The following DENND11 variants were observed in gnomAD, a reference collection of about 807,000 sequenced individuals.
The protein encoded by DENND11 is DENN domain-containing protein 11.
DENND11 carries 34 observed loss-of-function variants against 49.2 expected under a neutral mutation model. The observed-to-expected ratio is 0.69, with a 90% CI of 0.53 to 0.92. The LOEUF (loss-of-function observed/expected upper bound fraction) is 0.92, where lower values mean the gene tolerates loss of function less well. DENND11 is among the 40% of genes least tolerant of loss of function. The pLI, the probability that DENND11 is intolerant of heterozygous loss-of-function variation, is 0.00. For missense variants in DENND11, 475 were observed against 581.6 expected (o/e 0.82, Z 1.88); for synonymous variants, 238 against 230.3 (o/e 1.03, Z -0.30).
intron 4 of DENND11, among the ~76,000 whole-genome samples, chr7:141,672,171 G>C (rs577977581): frequency 6.6e-6 from 1 of 152,258 alleles, no homozygotes; most frequent in African/African-American, 2.4e-5. Flanking sequence ...CCTCCTGCAG[G>C]CTCCCATGGT....
At chr7:141,686,714 G>A in intron 1 of DENND11, 56 bp from the exon 2 acceptor site, 1 of 1,221,562 alleles carries the variant, frequency 8.2e-7, no homozygotes, top group Non-Finnish European at 1.2e-6. Context: ...AAGAAAATGG[G>A]TTAGTACAGG....
intron 1 of DENND11, among the ~76,000 whole-genome samples, chr7:141,700,652 G>C (rs1034580946): frequency 3.9e-5 from 6 of 151,954 alleles, no homozygotes; most frequent in African/African-American, 1.2e-4. Flanking sequence ...GAAAGCCATG[G>C]AATGTGGCAA....
intron 1 of DENND11, among the ~76,000 whole-genome samples, chr7:141,694,690 G>T (rs1425265719): frequency 6.6e-6 from 1 of 152,156 alleles, no homozygotes; most frequent in East Asian, 1.9e-4. Context: ...AATGCTTGTT[G>T]AATCTGTTCC....
intron 4 of DENND11, 127 bp downstream of exon 4, chr7:141,673,940 T>C: frequency 8.5e-7 from 1 of 1,181,142 alleles, no homozygotes; most frequent in South Asian, 1.6e-5. Flanking sequence ...TGCAACTCTG[T>C]TCTATCAAAA....
intron 4 of DENND11, among the ~76,000 whole-genome samples, chr7:141,670,212 A>G (rs910902763): frequency 9.9e-5 from 15 of 151,988 alleles, no homozygotes; most frequent in Admixed American, 9.2e-4. Flanking sequence ...TACCTCATCC[A>G]GGGAATACAT....
intron 3 of DENND11, 139 bp from the exon 4 acceptor site, chr7:141,674,359 G>T (rs764337614): frequency 1.2e-5 from 16 of 1,363,230 alleles, no homozygotes; most frequent in Non-Finnish European, 1.5e-5. Context: ...ATACTCCAAA[G>T]ATCCCCATTT....
At chr7:141,687,631 A>ATTTTTTTTTTTT (rs36080710) in intron 1 of DENND11, among the ~76,000 whole-genome samples, 1 of 112,826 alleles carries the variant, frequency 8.9e-6, no homozygotes, top group Non-Finnish European at 1.8e-5. Context: ...CACTCGGCTA[A>ATTTTTTTTTTTT]TTTTTTTTTT....
rs372660707 is a variant in DENND11, at chr7:141,662,752, G to C, written c.1272C>G (p.Gly424=). The part of the protein sequence containing the change: ...TLTAEHARGM[G]LDPQGDRSFL... ...AGCTCCGGTCTCCTTGGGGGTCTAG[G>C]CCCATGCCCCGGGCATGCTCTGCTG... Residue 424 remains glycine (G), a synonymous_variant, in exon 9 of 9, where the codon GGC becomes GGG. Coordinates refer to ENST00000536163, the MANE Select transcript of DENND11 (RefSeq NM_001080392.2). The C allele has an allele frequency of 1.1e-5, 18 of 1,611,406 alleles. No individual in the cohort carries two copies. In the African/African-American group the frequency reaches 2.4e-4, roughly 21 times the overall value.
At chr7:141,684,692 G>A (rs1798203307) in intron 3 of DENND11, among the ~76,000 whole-genome samples, 2 of 152,096 alleles carry the variant, frequency 1.3e-5, no homozygotes, top group Admixed American at 6.5e-5. Flanking sequence ...TATAAAAGAG[G>A]ATATATATTG....
intron 4 of DENND11, among the ~76,000 whole-genome samples, chr7:141,669,948 C>G (rs946230217): frequency 6.6e-6 from 1 of 150,604 alleles, no homozygotes; most frequent in South Asian, 2.1e-4. Flanking sequence ...GTAGCTGGGA[C>G]TACAGGCGCC....
At position 141,693,436 on chromosome 7, in the gene DENND11, G is replaced by GT. The variant is rs556449643; in HGVS notation, c.269-6779dup. 5.9e-5 allele frequency among the ~76,000 whole-genome samples: 9 copies of GT among 152,274 alleles called. No individual in the cohort carries two copies. In the East Asian group the frequency reaches 1.5e-3, roughly 26 times the overall value. ...AACCACTTTGAAAGACAGTTTGGCA[G>GT]TTTTTTACAAAACTAACATGTTATT... On this transcript the variant is annotated intron_variant, in intron 1 of 8. Transcript: ENST00000536163.
chr7:141,690,793 A>G (rs1798315471), intron 1 of DENND11, among the ~76,000 whole-genome samples: 1 of 152,232 alleles, frequency 6.6e-6, no homozygotes, highest in Non-Finnish European at 1.5e-5. Flanking sequence ...TCTTAGCTTA[A>G]ACAAAGCTAG....
chr7:141,693,909 C>A (rs1798367438), intron 1 of DENND11, among the ~76,000 whole-genome samples: 1 of 152,106 alleles, frequency 6.6e-6, no homozygotes, highest in Non-Finnish European at 1.5e-5. Context: ...TACATAACAT[C>A]GTGCATGTTT....
intron 3 of DENND11, among the ~76,000 whole-genome samples, chr7:141,679,732 A>G (rs529181932): frequency 8.1e-4 from 123 of 152,070 alleles, no homozygotes; most frequent in African/African-American, 2.9e-3. Context: ...AAAGTAAAAG[A>G]AATTAATAAG....
At chr7:141,697,666 A>G (rs1798437802) in intron 1 of DENND11, among the ~76,000 whole-genome samples, 1 of 152,132 alleles carries the variant, frequency 6.6e-6, no homozygotes, top group African/African-American at 2.4e-5. Flanking sequence ...CACGAGTCAG[A>G]TGACCTGGGC....
At chr7:141,672,297 C>A (rs957211385) in intron 4 of DENND11, among the ~76,000 whole-genome samples, 4 of 152,226 alleles carry the variant, frequency 2.6e-5, no homozygotes, top group Non-Finnish European at 4.4e-5. Context: ...CTTATGCAAT[C>A]CCCTCTTGCT....
chr7:141,674,689 C>A (rs913664155), intron 3 of DENND11, among the ~76,000 whole-genome samples: 4 of 152,162 alleles, frequency 2.6e-5, no homozygotes, highest in Admixed American at 2.6e-4. Context: ...ACGGAGCTTA[C>A]CCCAAATGTC....
At chr7:141,694,463 G>C (rs1415605198) in intron 1 of DENND11, among the ~76,000 whole-genome samples, 1 of 152,118 alleles carries the variant, frequency 6.6e-6, no homozygotes, top group Non-Finnish European at 1.5e-5. Flanking sequence ...GTCTCGCCAT[G>C]TTGCCCAGGC....
Position 141,659,099 on chromosome 7 carries a change from A to C in DENND11, c.*3557T>G, listed in dbSNP as rs1220306365. ...TTTCTTGTCTTGACTTTAAAGTGGAACAAAACAAGGTAAGTTATAGATGCA... is the reference window on the plus strand; with the variant it reads ...TTTCTTGTCTTGACTTTAAAGTGGACCAAAACAAGGTAAGTTATAGATGCA... On this transcript the variant is annotated 3_prime_UTR_variant, in exon 9 of 9. Transcript: ENST00000536163. 6.6e-6 allele frequency: 1 copy of C among 152,276 alleles called. No homozygotes were observed. Among genetic ancestry groups the C allele is most frequent in the Non-Finnish European group, 1.5e-5 (1 of 68,046 alleles). 9.4% of individuals were successfully genotyped at this position (152,276 alleles called of 1,614,324 possible).
Sources: gnomAD v4.1 joint callset for allele counts (sites outside exome capture counted in the v4.1 genomes callset) on GRCh38, gnomAD v4.1.1 for gene constraint, MANE v1.5 for transcripts, NCBI Gene and HGNC (gene_info 2026-07-23, HGNC 2026-07-21) for gene names.